COL4A1: variants seen among roughly 807,000 people sequenced by gnomAD.
The protein encoded by COL4A1 is collagen type IV alpha 1 chain.
In COL4A1, 40 loss-of-function variants were observed where a neutral mutation model predicts 216.6. That is an observed-to-expected ratio of 0.18 (90% CI 0.14 to 0.24). COL4A1 has a LOEUF of 0.24. COL4A1 is among the 10% of genes least tolerant of loss of function. COL4A1 has a pLI of 1.00. For synonymous variants in COL4A1, 839 were observed against 810.7 expected, an observed-to-expected ratio of 1.03 and a Z score of -0.59; for missense variants, 1,628 against 2,196.8, an observed-to-expected ratio of 0.74 and a Z score of 5.18.
intron 10 of COL4A1, among the ~76,000 whole-genome samples, 166 bp from the exon 11 acceptor site, chr13:110,209,593 C>T (rs982594687): frequency 6.6e-6 from 1 of 152,134 alleles, no homozygotes; most frequent in Non-Finnish European, 1.5e-5. Context: ...AGGTGCAGGA[C>T]CCTCAGGTGT....
At chr13:110,288,039 G>A (rs113573025) in intron 1 of COL4A1, among the ~76,000 whole-genome samples, 14,951 of 142,218 alleles carry the variant, frequency 0.11, 973 homozygotes, top group Non-Finnish European at 0.14. Context: ...GGTGGATCAC[G>A]AGGTCAGGAG....
At chr13:110,198,879 A>C (rs758731315) in intron 20 of COL4A1, among the ~76,000 whole-genome samples, 1 of 152,234 alleles carries the variant, frequency 6.6e-6, no homozygotes, top group Non-Finnish European at 1.5e-5. Context: ...AAATCTGTGA[A>C]TTTCTCTCAG....
intron 50 of COL4A1, among the ~76,000 whole-genome samples, chr13:110,153,377 G>A (rs532246022): frequency 1.3e-5 from 2 of 152,324 alleles, no homozygotes; most frequent in South Asian, 4.1e-4. Flanking sequence ...TCTCTAGAAC[G>A]TCACTATTTT....
In COL4A1 at chr13:110,183,091, C is replaced by T. The variant is rs988704098; in HGVS notation, c.1997G>A (p.Arg666Gln). ...SPGFPGPQGD[R>Q]GFPGTPGRPG... ...CCTTCCTGGGGTTCCGGGAAAGCCT[C>T]GGTCTCCTGTGGTGAGAAAGACCAA... The change falls in exon 28 of 52, where the codon CGA becomes CAA. Residue 666 changes from arginine (R) to glutamine (Q), a missense_variant. Arg to Gln is a conservative substitution (Grantham distance 43, BLOSUM62 1). Around this residue, in one of 8 missense-constraint regions of COL4A1, gnomAD observed 701 missense variants for 892.5 expected, o/e 0.79. Transcript: ENST00000375820. The T allele has an allele frequency of 9.3e-6, 15 of 1,612,618 alleles. No individual in the cohort carries two copies. In the Admixed American group the frequency reaches 1.3e-4, roughly 14 times the overall value.
chr13:110,279,762 C>T (rs1199769292), intron 1 of COL4A1, among the ~76,000 whole-genome samples: 1 of 152,194 alleles, frequency 6.6e-6, no homozygotes, highest in Non-Finnish European at 1.5e-5. Context: ...CTAACCAGTG[C>T]CCATTTCACA....
chr13:110,195,501 G>C (rs1878845160), intron 21 of COL4A1, among the ~76,000 whole-genome samples: 1 of 152,168 alleles, frequency 6.6e-6, no homozygotes, highest in South Asian at 2.1e-4. Context: ...CATGCATCTA[G>C]TCAAAGCTGA....
At position 110,152,411 on chromosome 13, in the gene COL4A1, G is replaced by C; in HGVS notation, c.4851C>G (p.His1617Gln). Residue 1617 changes from histidine to glutamine, a missense_variant, in exon 51 of 52, where the codon CAC (histidine) becomes CAG (glutamine). His to Gln is a conservative substitution (Grantham distance 24, BLOSUM62 0). Transcript: ENST00000375820. ...CGTAGTAATTGCAGGTCCCACGGCC[G>C]TGACACTCGATGAATGGCGCACTTC... The part of the protein sequence containing the change: ...EFRSAPFIEC[H>Q]GRGTCNYYAN... 1 of 1,614,214 alleles carries C rather than the reference G, an allele frequency of 6.2e-7. No individual in the cohort carries two copies. The highest frequency in any genetic ancestry group is 8.5e-7 in the Non-Finnish European group (1 of 1,180,046).
intron 41 of COL4A1, among the ~76,000 whole-genome samples, chr13:110,171,958 T>G (rs975034971): frequency 1.3e-5 from 2 of 152,170 alleles, no homozygotes; most frequent in African/African-American, 4.8e-5. Context: ...TCAGACTACA[T>G]GCCTGCCAAG....
chr13:110,190,995 GGTGC>G (rs1188088865), intron 24 of COL4A1: 3 of 152,212 alleles, frequency 2.0e-5, no homozygotes, highest in Admixed American at 2.0e-4. Flanking sequence ...GAGATGAAGC[GGTGC>G]ATAGAGGTTA....
chr13:110,176,833 G>T (rs1037886458), intron 34 of COL4A1, 52 bp downstream of exon 34: 2 of 1,614,022 alleles, frequency 1.2e-6, no homozygotes, highest in Non-Finnish European at 1.7e-6. Flanking sequence ...GATAACCCAG[G>T]AAAGGCACAT....
chr13:110,152,236 T>G, intron 51 of COL4A1, 98 bp downstream of exon 51: 1 of 1,553,436 alleles, frequency 6.4e-7, no homozygotes, highest in South Asian at 1.2e-5. Flanking sequence ...TAACCATCTT[T>G]GAGACTTTGC....
intron 1 of COL4A1, among the ~76,000 whole-genome samples, chr13:110,269,009 G>A (rs373036102): frequency 2.0e-5 from 3 of 150,030 alleles, no homozygotes; most frequent in African/African-American, 7.3e-5. Flanking sequence ...ACCTCTTGGC[G>A]CACGGAGAAC....
rs1566411252 is a variant in COL4A1 at position 110,247,836 on chromosome 13, G to GTGTGTGTGTGTGT, written c.85-5103_85-5102insACACACACACACA. Reference sequence around the variant, plus strand: ...GTGTGTGTGTGTGTGTGTGTGTGTGGCAGAGAGAGAGGGAGGGAGGGAGGG... The same window carrying GTGTGTGTGTGTGT: ...GTGTGTGTGTGTGTGTGTGTGTGTGGTGTGTGTGTGTGTCAGAGAGAGAGGGAGGGAGGGAGGG... On this transcript the variant is annotated intron_variant, in intron 1 of 51. Coordinates refer to ENST00000375820, the MANE Select transcript of COL4A1 (RefSeq NM_001845.6). Among the ~76,000 whole-genome samples the GTGTGTGTGTGTGT allele has an allele frequency of 4.3e-4, 34 of 78,610 alleles. 1 individual carries two copies. Among genetic ancestry groups the GTGTGTGTGTGTGT allele is most frequent in the East Asian group, 1.8e-3 (5 of 2,718 alleles). The allele number at this position is 78,610 out of a possible 152,430, so 51.6% of individuals were successfully genotyped here. A position where few individuals can be genotyped will look rare whatever the true frequency, so the allele number is the denominator to read the frequency against.
At position 110,174,720 on chromosome 13, in the gene COL4A1, T is replaced by G. The variant is rs2139160427; in HGVS notation, c.3228A>C (p.Gly1076=). ...KGDQGIAGFP[G]SPGEKGEKGS... is the part of the protein sequence containing the mutation. Reference sequence around the variant, plus strand: ...CTTTTTCTCCCTTCTCTCCAGGGCTTCCTGGGAAACCCGCTATCCCTTGAT... The same window carrying G: ...CTTTTTCTCCCTTCTCTCCAGGGCTGCCTGGGAAACCCGCTATCCCTTGAT... Residue 1076 remains glycine (G), a synonymous_variant, in exon 38 of 52, where the codon GGA becomes GGC. Coordinates refer to ENST00000375820, the MANE Select transcript of COL4A1 (RefSeq NM_001845.6). 1 of 1,613,640 alleles carries G rather than the reference T, an allele frequency of 6.2e-7. No individual in the cohort carries two copies. The highest frequency in any genetic ancestry group is 1.7e-5 in the Admixed American group (1 of 60,010).
intron 1 of COL4A1, among the ~76,000 whole-genome samples, chr13:110,267,863 A>G (rs957316841): frequency 6.6e-6 from 1 of 152,142 alleles, no homozygotes; most frequent in Non-Finnish European, 1.5e-5. Context: ...TATTATATGT[A>G]TATTTATATG....
In COL4A1 at chr13:110,210,135, C is replaced by A. The variant is rs1419832391; in HGVS notation, c.546G>T (p.Gly182=). ...KGERGFPGIP[G]TPGPPGLPGL... ...TGATTCAGCAAATGCTTACTGGAGT[C>A]CCTGGGATTCCGGGAAATCCTCTTT... The change falls in exon 9 of 52, where the codon GGG becomes GGT. Residue 182 remains glycine, a synonymous_variant. Transcript: ENST00000375820. The A allele has an allele frequency of 6.2e-7, 1 of 1,613,950 alleles. No individual in the cohort carries two copies. The highest frequency in any genetic ancestry group is 8.5e-7 in the Non-Finnish European group (1 of 1,180,008).
At chr13:110,233,834 T>C (rs1881177693) in intron 2 of COL4A1, among the ~76,000 whole-genome samples, 1 of 152,152 alleles carries the variant, frequency 6.6e-6, no homozygotes, top group South Asian at 2.1e-4. Flanking sequence ...GCCAAGATTC[T>C]CAAAACATTC....
intron 1 of COL4A1, among the ~76,000 whole-genome samples, chr13:110,249,485 C>T (rs1284572726): frequency 6.6e-6 from 1 of 152,098 alleles, no homozygotes; most frequent in Non-Finnish European, 1.5e-5. Flanking sequence ...AGCTACAGCA[C>T]CCGCAGCAAG....
At chr13:110,176,261 C>T (rs749494656) in intron 36 of COL4A1, among the ~76,000 whole-genome samples, 163 bp downstream of exon 36, 9 of 152,352 alleles carry the variant, frequency 5.9e-5, no homozygotes, top group Non-Finnish European at 1.3e-4. Flanking sequence ...TGTCATCCAT[C>T]CCTGAGCAGG....
Sources: allele counts gnomAD v4.1 joint callset (sites outside exome capture counted in the v4.1 genomes callset), GRCh38; gene constraint gnomAD v4.1.1; regional missense constraint gnomAD v4.1.1; transcripts MANE v1.5; gene names NCBI Gene and HGNC (gene_info 2026-07-23, HGNC 2026-07-21).